Variants in LYPD6B observed in about 807,000 individuals in gnomAD.
The protein encoded by LYPD6B is ly6/PLAUR domain-containing protein 6B.
In LYPD6B, 17 loss-of-function variants were observed where a neutral mutation model predicts 22.8. That is an observed-to-expected ratio of 0.75 (90% CI 0.51 to 1.12). The LOEUF is 1.12. LYPD6B is among the 50% of genes most tolerant of loss of function. The probability of loss-of-function intolerance (pLI) is 0.00; values close to 1 mark genes in which losing one functional copy is unlikely to be tolerated. For synonymous variants in LYPD6B, 106 were observed against 91.6 expected (o/e 1.16, Z -0.90); for missense variants, 221 against 258.3 (o/e 0.86, Z 0.99).
intron 1 of LYPD6B, among the ~76,000 whole-genome samples, chr2:149,069,907 CTT>C (rs201360515): frequency 5.0e-4 from 70 of 141,354 alleles, no homozygotes; most frequent in East Asian, 1.4e-3. Flanking sequence ...AGCTGTACAA[CTT>C]TTTTTTTTTT....
chr2:149,087,372 G>A (rs1019374320), intron 1 of LYPD6B, among the ~76,000 whole-genome samples: 1 of 151,998 alleles, frequency 6.6e-6, no homozygotes. Flanking sequence ...AGATTTTTAC[G>A]TATGTAAAGG....
rs1691254062 is a variant in LYPD6B, at chr2:149,175,768, A to T, written c.77+14933A>T. On this transcript the variant is annotated intron_variant, in intron 3 of 6. Coordinates refer to ENST00000409642, the MANE Select transcript of LYPD6B (RefSeq NM_177964.5). Reference sequence around the variant, plus strand: ...ACTTTTGTCTTAAAAACTAAGACACAAACACACACATTAGCCTAAGCCTAC... The same window carrying T: ...ACTTTTGTCTTAAAAACTAAGACACTAACACACACATTAGCCTAAGCCTAC... Among the ~76,000 whole-genome samples, 3 of 150,504 alleles carry T rather than the reference A, an allele frequency of 2.0e-5. No homozygotes were observed. In the South Asian group the frequency reaches 6.3e-4, roughly 31 times the overall value.
At chr2:149,202,351 C>T (rs1575172344) in intron 3 of LYPD6B, among the ~76,000 whole-genome samples, 1 of 152,120 alleles carries the variant, frequency 6.6e-6, no homozygotes, top group South Asian at 2.1e-4. Flanking sequence ...CCTTCGTGTT[C>T]CAGCCACACT....
At chr2:149,205,850 G>A (rs181802113) in intron 4 of LYPD6B, among the ~76,000 whole-genome samples, 5 of 152,158 alleles carry the variant, frequency 3.3e-5, no homozygotes, top group African/African-American at 4.8e-5. Flanking sequence ...TTACTACCGC[G>A]CGTAATCACC....
intron 3 of LYPD6B, among the ~76,000 whole-genome samples, chr2:149,197,544 C>T (rs796806217): frequency 2.6e-5 from 4 of 152,246 alleles, no homozygotes; most frequent in African/African-American, 9.6e-5. Context: ...ATGATGGATG[C>T]ATCTGGAGGT....
intron 2 of LYPD6B, among the ~76,000 whole-genome samples, chr2:149,149,649 T>G (rs426625): frequency 0.65 from 98,757 of 152,016 alleles, 32,248 homozygotes; most frequent in South Asian, 0.76. Flanking sequence ...CCATAACGTG[T>G]GTTCCTTGAT....
intron 1 of LYPD6B, among the ~76,000 whole-genome samples, chr2:149,080,053 G>A (rs746760984): frequency 6.6e-6 from 1 of 152,156 alleles, no homozygotes; most frequent in African/African-American, 2.4e-5. Context: ...TTTTTGTTAA[G>A]AGTTGCCATA....
intron 2 of LYPD6B, among the ~76,000 whole-genome samples, chr2:149,132,096 G>A (rs1311130823): frequency 6.6e-6 from 1 of 151,864 alleles, no homozygotes; most frequent in Non-Finnish European, 1.5e-5. Context: ...ACACTCATAG[G>A]CAAGTCAGGG....
intron 1 of LYPD6B, among the ~76,000 whole-genome samples, chr2:149,041,273 C>T (rs1683075238): frequency 6.6e-6 from 1 of 152,196 alleles, no homozygotes; most frequent in Non-Finnish European, 1.5e-5. Flanking sequence ...TCTTTGGTGG[C>T]TTCTAGAAAA....
intron 1 of LYPD6B, among the ~76,000 whole-genome samples, chr2:149,059,102 G>A (rs930243150): frequency 2.6e-5 from 4 of 152,222 alleles, no homozygotes; most frequent in Non-Finnish European, 5.9e-5. Flanking sequence ...AAGCCTGAGG[G>A]CATGGCAGTA....
chr2:149,071,206 C>T (rs1293465048), intron 1 of LYPD6B, among the ~76,000 whole-genome samples: 2 of 152,184 alleles, frequency 1.3e-5, no homozygotes, highest in African/African-American at 4.8e-5. Flanking sequence ...CAAGATAAGA[C>T]TATAACAGTT....
rs570123007 is a variant in LYPD6B, at chr2:149,121,979, G to A, written c.-66-8904G>A. Among the ~76,000 whole-genome samples, 33 of 152,294 alleles carry A rather than the reference G, an allele frequency of 2.2e-4. No individual in the cohort carries two copies. In the South Asian group the frequency reaches 6.6e-3, roughly 31 times the overall value. On this transcript the variant is annotated intron_variant, in intron 1 of 6. Transcript: ENST00000409642. Reference sequence around the variant, plus strand: ...TGGATCCAGTGCTGGTGGAGGTGAAGGGGCAAATGGAAAAACCCCAAACGA... The same window carrying A: ...TGGATCCAGTGCTGGTGGAGGTGAAAGGGCAAATGGAAAAACCCCAAACGA...
intron 1 of LYPD6B, among the ~76,000 whole-genome samples, chr2:149,077,095 C>T (rs1037410538): frequency 6.6e-6 from 1 of 152,236 alleles, no homozygotes; most frequent in Non-Finnish European, 1.5e-5. Flanking sequence ...AGCCGAACTG[C>T]TGTCTGTTAG....
At chr2:149,129,325 G>T (rs1391695328) in intron 1 of LYPD6B, among the ~76,000 whole-genome samples, 2 of 152,204 alleles carry the variant, frequency 1.3e-5, no homozygotes, top group Non-Finnish European at 2.9e-5. Context: ...CGACAAGCTT[G>T]GGAATTTACA....
At chr2:149,120,309 A>G (rs1475374771) in intron 1 of LYPD6B, among the ~76,000 whole-genome samples, 6 of 132,162 alleles carry the variant, frequency 4.5e-5, no homozygotes, top group East Asian at 2.3e-4. Flanking sequence ...ATATATATAT[A>G]TGTGTATATA....
intron 2 of LYPD6B, among the ~76,000 whole-genome samples, chr2:149,143,518 A>C (rs74367073): frequency 2.6e-5 from 1 of 38,032 alleles, no homozygotes; most frequent in Non-Finnish European, 7.4e-5. Flanking sequence ...TGACGCAAAA[A>C]AAAAAAAAAA....
At chr2:149,134,156 T>C (rs1407513639) in intron 2 of LYPD6B, among the ~76,000 whole-genome samples, 1 of 152,116 alleles carries the variant, frequency 6.6e-6, no homozygotes, top group Admixed American at 6.5e-5. Context: ...GAGAGCCCCA[T>C]GTACTTGAGC....
At chr2:149,150,724 C>T (rs369363) in intron 2 of LYPD6B, among the ~76,000 whole-genome samples, 98,718 of 151,890 alleles carry the variant, frequency 0.65, 32,242 homozygotes, top group South Asian at 0.76. Context: ...GTACTTTAGT[C>T]GTAAAAAATT....
At chr2:149,094,843 G>A (rs1300500672) in intron 1 of LYPD6B, among the ~76,000 whole-genome samples, 1 of 152,104 alleles carries the variant, frequency 6.6e-6, no homozygotes, top group Non-Finnish European at 1.5e-5. Flanking sequence ...GAATTTTAAG[G>A]AGGATGAGGC....
Sources: allele counts gnomAD v4.1 joint callset (sites outside exome capture counted in the v4.1 genomes callset), GRCh38; gene constraint gnomAD v4.1.1; transcripts MANE v1.5; gene names NCBI Gene and HGNC (gene_info 2026-07-23, HGNC 2026-07-21).